RNF14: variants seen among roughly 807,000 people sequenced by gnomAD.
RNF14 encodes the protein ring finger protein 14.
RNF14 carries 26 observed loss-of-function variants against 52.6 expected under a neutral mutation model. The observed-to-expected ratio is 0.49, with a 90% CI of 0.36 to 0.69. The LOEUF is 0.69. RNF14 is among the 30% of genes least tolerant of loss of function. RNF14 has a pLI of 0.00. For missense variants in RNF14, 404 were observed against 560.4 expected (o/e 0.72, Z 2.82); for synonymous variants, 194 against 202.0 (o/e 0.96, Z 0.34).
At chr5:141,951,538 G>A in the RNF14 span, 3 of 1,614,222 alleles carry the variant, frequency 1.9e-6, no homozygotes, top group South Asian at 2.2e-5. Context: ...TCGGTGGTTT[G>A]GTTTGGGCTG....
rs11955124 is a variant in RNF14, at chr5:141,975,076, A to C, written c.306+121A>C. ...GAAAAACAAATGGCTTTGGTTTTGT[A>C]ATTTTTTTCCCTTGCCTTGGTGAAT... On this transcript the variant is annotated intron_variant, in intron 4 of 8. Transcript: ENST00000394520. 367 of 1,082,668 alleles carry C rather than the reference A, an allele frequency of 3.4e-4. 1 individual carries two copies. The African/African-American group carries it at 5.5e-3, about 16-fold the overall frequency. 67.1% of individuals were successfully genotyped at this position (1,082,668 alleles called of 1,614,324 possible). A position where few individuals can be genotyped will look rare whatever the true frequency, so the allele number is the denominator to read the frequency against.
In RNF14 at chr5:141,970,864, ATTG is replaced by A. The variant is rs1753679536; in HGVS notation, c.-17_-15del. The A allele has an allele frequency of 6.6e-6, 1 of 152,300 alleles. No individual in the cohort carries two copies. Among genetic ancestry groups the A allele is most frequent in the Non-Finnish European group, 1.5e-5 (1 of 68,034 alleles). 9.4% of individuals were successfully genotyped at this position (152,300 alleles called of 1,614,324 possible). A position where few individuals can be genotyped will look rare whatever the true frequency, so the allele number is the denominator to read the frequency against. On this transcript the variant is annotated 5_prime_UTR_variant, in exon 2 of 9. Coordinates refer to ENST00000394520, the MANE Select transcript of RNF14 (RefSeq NM_004290.5). ...GCGGTGTTAATATCCTTTTCTTCTGATTGTTATTAACAGGTACTAACTGACCTC... is the reference window on the plus strand; with the variant it reads ...GCGGTGTTAATATCCTTTTCTTCTGATTATTAACAGGTACTAACTGACCTC...
upstream of RNF14, among the ~76,000 whole-genome samples, chr5:141,966,666 C>T (rs942093709): frequency 2.0e-5 from 3 of 152,154 alleles, no homozygotes; most frequent in African/African-American, 7.2e-5. Flanking sequence ...GCTGTCTTTA[C>T]CCAATCTTGT....
At chr5:141,970,639 A>C (rs1384337664) in intron 1 of RNF14, 65 bp from the exon 2 acceptor site, 2 of 152,358 alleles carry the variant, frequency 1.3e-5, no homozygotes, top group African/African-American at 4.8e-5. Context: ...AGCAGTGATC[A>C]TGGAAATTCA....
At chr5:141,971,388 C>T (rs252131) in intron 2 of RNF14, among the ~76,000 whole-genome samples, 117,993 of 151,926 alleles carry the variant, frequency 0.78, 46,003 homozygotes, top group East Asian at 0.98. Context: ...ACTACAGGCA[C>T]ACACCACCAC....
Position 141,978,812 on chromosome 5 carries a change from G to A in RNF14, c.816G>A (p.Ser272=), listed in dbSNP as rs756470735. The A allele has an allele frequency of 3.1e-6, 5 of 1,613,708 alleles. No homozygotes were observed. In the South Asian group the frequency reaches 4.4e-5, roughly 14 times the overall value. Residue 272 remains serine (S), a synonymous_variant, in exon 5 of 9, where the codon TCG becomes TCA. Transcript: ENST00000394520. ...CLNCPEPKCP[S]VATPGQVKEL... is the part of the protein sequence containing the mutation. ...ACTGCCCAGAACCAAAGTGCCCTTCGGTGGCCACTCCTGGTCAGGTAACTG... is the reference window on the plus strand; with the variant it reads ...ACTGCCCAGAACCAAAGTGCCCTTCAGTGGCCACTCCTGGTCAGGTAACTG...
intron 8 of RNF14, among the ~76,000 whole-genome samples, chr5:141,986,181 C>T (rs190380705): frequency 6.6e-6 from 1 of 152,150 alleles, no homozygotes; most frequent in Non-Finnish European, 1.5e-5. Flanking sequence ...TTCCTTGGCA[C>T]AATGTGAATA....
upstream of RNF14, among the ~76,000 whole-genome samples, chr5:141,954,149 G>A (rs116396182): frequency 0.017 from 2,633 of 152,280 alleles, 37 homozygotes; most frequent in Middle Eastern, 0.034. Flanking sequence ...GTTGAAGGAC[G>A]TGTACAAGGT....
intron 2 of RNF14, among the ~76,000 whole-genome samples, chr5:141,971,631 CTTT>C (rs1753787689): frequency 1.6e-5 from 1 of 61,046 alleles, no homozygotes; most frequent in Non-Finnish European, 3.0e-5. Flanking sequence ...TTCTTTCTTT[CTTT>C]CCTTTTTTTT....
At chr5:141,976,893 G>A (rs1754318469) in intron 4 of RNF14, among the ~76,000 whole-genome samples, 1 of 150,566 alleles carries the variant, frequency 6.6e-6, no homozygotes, top group Non-Finnish European at 1.5e-5. Context: ...GGTTCAAGTG[G>A]TTGTCCTGCC....
chr5:141,953,762 G>A (rs1258760668), upstream of RNF14, among the ~76,000 whole-genome samples: 2 of 152,220 alleles, frequency 1.3e-5, no homozygotes, highest in African/African-American at 4.8e-5. Context: ...CAGCCTCTGG[G>A]TCTGCACCGA....
chr5:141,950,546 A>G, the RNF14 span, among the ~76,000 whole-genome samples: 2 of 152,150 alleles, frequency 1.3e-5, no homozygotes, highest in Non-Finnish European at 2.9e-5. Flanking sequence ...AAATGAGAAA[A>G]CCAAGACTTG....
Position 141,987,818 on chromosome 5 carries a change from G to T in RNF14, c.*28G>T, listed in dbSNP as rs62380049. 1 of 1,605,768 alleles carries T rather than the reference G, an allele frequency of 6.2e-7. No individual in the cohort carries two copies. Among genetic ancestry groups the T allele is most frequent in the Non-Finnish European group, 8.5e-7 (1 of 1,173,908 alleles). ...AACTACTGCTCAAGATATGGAAGTG[G>T]ATTGTTTTTCCCTAATCTTCCGTCA... On this transcript the variant is annotated 3_prime_UTR_variant, in exon 9 of 9. Coordinates refer to ENST00000394520, the MANE Select transcript of RNF14 (RefSeq NM_004290.5).
chr5:141,969,474 T>G (rs1380746859), intron 1 of RNF14: 1 of 152,320 alleles, frequency 6.6e-6, no homozygotes, highest in East Asian at 1.9e-4. Flanking sequence ...TTGGGGCGGA[T>G]AGCTAGCGTT....
chr5:141,955,621 T>C (rs1561536046), upstream of RNF14: 1 of 1,614,168 alleles, frequency 6.2e-7, no homozygotes, highest in Non-Finnish European at 8.5e-7. This position sits in a 1 kb window ranked among gnomAD's most constrained non-coding sequence, Gnocchi z 5.5. Flanking sequence ...GTTGTCCTTC[T>C]TTTCTGTCCG....
At chr5:141,955,939 A>T (rs750575148), upstream of RNF14, 23 of 1,614,126 alleles carry the variant, frequency 1.4e-5, no homozygotes, top group Non-Finnish European at 1.9e-5. This position sits in a 1 kb window ranked among gnomAD's most constrained non-coding sequence, Gnocchi z 5.5. Flanking sequence ...TCCACTGCGG[A>T]TGCTGTAGAG....
the RNF14 span, among the ~76,000 whole-genome samples, chr5:141,950,848 TG>T: frequency 2.6e-5 from 4 of 152,226 alleles, no homozygotes; most frequent in South Asian, 2.1e-4. Flanking sequence ...TGTCAGTTGC[TG>T]GGCTATGGGC....
upstream of RNF14, chr5:141,955,810 C>T (rs767749532): frequency 9.9e-6 from 16 of 1,613,936 alleles, no homozygotes; most frequent in Non-Finnish European, 1.2e-5. The surrounding 1 kb of genome is among the most constrained non-coding windows in gnomAD (Gnocchi z 5.5). Flanking sequence ...GGGGGGGCTT[C>T]CCTGGTCCTC....
chr5:141,959,218 C>T (rs1350497771), intron 1 of RNF14, among the ~76,000 whole-genome samples: 1 of 152,212 alleles, frequency 6.6e-6, no homozygotes, highest in Non-Finnish European at 1.5e-5. Context: ...GTCTTTCCCC[C>T]TTCCTCCAAT....
Sources: gnomAD v4.1 joint callset for allele counts (sites outside exome capture counted in the v4.1 genomes callset) on GRCh38, gnomAD v4.1.1 for gene constraint, Gnocchi (gnomAD v3.1) non-coding constraint, MANE v1.5 for transcripts, NCBI Gene and HGNC (gene_info 2026-07-23, HGNC 2026-07-21) for gene names.